Variants in REEP3 observed in about 807,000 individuals in gnomAD.
The protein encoded by REEP3 is receptor expression-enhancing protein 3.
Under a neutral mutation model 41.3 loss-of-function variants are expected in REEP3, and 20 were observed. The ratio of observed to expected loss-of-function variants is 0.48; its 90% CI spans 0.34 to 0.70. The LOEUF is 0.70. REEP3 is among the 30% of genes least tolerant of loss of function. The pLI, the probability that REEP3 is intolerant of heterozygous loss-of-function variation, is 0.01. For missense variants in REEP3, 271 were observed against 308.8 expected (o/e 0.88, Z 0.92); for synonymous variants, 104 against 101.8 (o/e 1.02, Z -0.13).
intron 5 of REEP3, among the ~76,000 whole-genome samples, chr10:63,607,306 G>C (rs546860304): frequency 3.9e-5 from 6 of 152,154 alleles, no homozygotes; most frequent in Non-Finnish European, 4.4e-5. Flanking sequence ...TTTCCCTACA[G>C]TGCCTGGCTT....
Position 63,622,824 on chromosome 10 carries a change from G to A in REEP3, c.*1955G>A, listed in dbSNP as rs563897974. On this transcript the variant is annotated 3_prime_UTR_variant, in exon 8 of 8. Transcript: ENST00000373758. ...CGGGTTCGAGCGATTCTCCTGCCTC[G>A]GCCTCCCGAGTAACTGGGTCTACAG... 1.4e-3 allele frequency: 213 copies of A among 149,530 alleles called. 3 individuals are homozygous for A. The highest frequency in any genetic ancestry group is 4.3e-4 in the Non-Finnish European group (29 of 67,874). The allele number at this position is 149,530 out of a possible 1,614,324, so 9.3% of individuals were successfully genotyped here. A position where few individuals can be genotyped will look rare whatever the true frequency, so the allele number is the denominator to read the frequency against.
At chr10:63,588,955 C>T (rs1956032541) in intron 2 of REEP3, among the ~76,000 whole-genome samples, 1 of 152,078 alleles carries the variant, frequency 6.6e-6, no homozygotes, top group Non-Finnish European at 1.5e-5. Context: ...CAGCACATAC[C>T]AGGGCCAGTA....
chr10:63,594,702 C>A, intron 2 of REEP3, 76 bp from the exon 3 acceptor site: 2 of 833,900 alleles, frequency 2.4e-6, no homozygotes, highest in Non-Finnish European at 4.1e-6. Context: ...TCCAGAAATA[C>A]ATACATACAT....
intron 2 of REEP3, among the ~76,000 whole-genome samples, chr10:63,579,443 A>C (rs1300996938): frequency 1.3e-5 from 2 of 152,224 alleles, no homozygotes; most frequent in African/African-American, 4.8e-5. Context: ...AGGGGGATTT[A>C]AATTAAATGC....
Position 63,620,870 on chromosome 10 carries a change from T to C in REEP3, c.*1T>C. 1.3e-6 allele frequency: 2 copies of C among 1,598,682 alleles called. No individual in the cohort carries two copies. The highest frequency in any genetic ancestry group is 1.7e-6 in the Non-Finnish European group (2 of 1,167,864). On this transcript the variant is annotated 3_prime_UTR_variant, in exon 8 of 8. Transcript: ENST00000373758. ...GAAACGACCACAAGTGTATTTTTAG[T>C]CATCTACACGTCAAATATCCCAAGA...
chr10:63,574,948 C>T (rs1955885643), intron 2 of REEP3, among the ~76,000 whole-genome samples: 1 of 149,848 alleles, frequency 6.7e-6, no homozygotes, highest in African/African-American at 2.5e-5. Flanking sequence ...CCTCTGCCTC[C>T]CGGATTCAAG....
At position 63,620,885 on chromosome 10, in the gene REEP3, A is replaced by G. The variant is rs1956348830; in HGVS notation, c.*16A>G. 1 of 1,561,124 alleles carries G rather than the reference A, an allele frequency of 6.4e-7. No individual in the cohort carries two copies. Among genetic ancestry groups the G allele is most frequent in the Middle Eastern group, 1.7e-4 (1 of 5,978 alleles). Reference sequence around the variant, plus strand: ...GTATTTTTAGTCATCTACACGTCAAATATCCCAAGACAGATTATGCTAAAT... The same window carrying G: ...GTATTTTTAGTCATCTACACGTCAAGTATCCCAAGACAGATTATGCTAAAT... On this transcript the variant is annotated 3_prime_UTR_variant, in exon 8 of 8. Coordinates refer to ENST00000373758, the MANE Select transcript of REEP3 (RefSeq NM_001001330.3).
intron 1 of REEP3, among the ~76,000 whole-genome samples, chr10:63,534,300 G>A (rs1955454694): frequency 6.6e-6 from 1 of 151,436 alleles, no homozygotes. Flanking sequence ...GCTCAGGCTA[G>A]AGTGCAGTGG....
chr10:63,564,514 T>C (rs915082924), intron 1 of REEP3, among the ~76,000 whole-genome samples: 8 of 151,844 alleles, frequency 5.3e-5, no homozygotes, highest in Admixed American at 3.9e-4. Flanking sequence ...TCCCAGGTAC[T>C]CAGGAGGCTG....
intron 1 of REEP3, among the ~76,000 whole-genome samples, chr10:63,557,684 A>G (rs1955702126): frequency 6.6e-6 from 1 of 152,204 alleles, no homozygotes; most frequent in South Asian, 2.1e-4. Context: ...TTAACTGTTT[A>G]TGCTCTGTTA....
intron 2 of REEP3, among the ~76,000 whole-genome samples, chr10:63,578,643 G>A (rs1463946558): frequency 6.6e-6 from 1 of 152,032 alleles, no homozygotes; most frequent in African/African-American, 2.4e-5. Flanking sequence ...CAGGTGTGAT[G>A]GTACACGCCT....
chr10:63,609,451 C>CAAA (rs376009971), intron 5 of REEP3, among the ~76,000 whole-genome samples: 1 of 81,178 alleles, frequency 1.2e-5, no homozygotes, highest in Non-Finnish European at 2.6e-5. Context: ...GACTCTGTCT[C>CAAA]AAAAAAAAAA....
chr10:63,616,814 A>C (rs1184472791), intron 6 of REEP3, among the ~76,000 whole-genome samples: 1 of 152,226 alleles, frequency 6.6e-6, no homozygotes, highest in Non-Finnish European at 1.5e-5. Flanking sequence ...AAAAATCTAG[A>C]AATGACAACC....
At position 63,620,872 on chromosome 10, in the gene REEP3, A is replaced by C; in HGVS notation, c.*3A>C. 1.3e-6 allele frequency: 2 copies of C among 1,596,660 alleles called. No homozygotes were observed. Among genetic ancestry groups the C allele is most frequent in the Non-Finnish European group, 1.7e-6 (2 of 1,165,836 alleles). On this transcript the variant is annotated 3_prime_UTR_variant, in exon 8 of 8. Transcript: ENST00000373758. ...AACGACCACAAGTGTATTTTTAGTCATCTACACGTCAAATATCCCAAGACA... is the reference window on the plus strand; with the variant it reads ...AACGACCACAAGTGTATTTTTAGTCCTCTACACGTCAAATATCCCAAGACA...
intron 5 of REEP3, among the ~76,000 whole-genome samples, chr10:63,607,930 G>A (rs1956243559): frequency 6.6e-6 from 1 of 152,196 alleles, no homozygotes; most frequent in African/African-American, 2.4e-5. Context: ...ATCCTGAAAT[G>A]TACCTTCTTG....
At chr10:63,526,869 G>A (rs2133335862) in intron 1 of REEP3, among the ~76,000 whole-genome samples, 1 of 152,094 alleles carries the variant, frequency 6.6e-6, no homozygotes, top group East Asian at 1.9e-4. Context: ...GTTGCATAGA[G>A]AGTTTATAGT....
At chr10:63,542,596 C>T (rs1339691772) in intron 1 of REEP3, among the ~76,000 whole-genome samples, 2 of 151,992 alleles carry the variant, frequency 1.3e-5, no homozygotes, top group African/African-American at 2.4e-5. Flanking sequence ...ACTATATTAC[C>T]ACTCCTTGTT....
chr10:63,602,079 A>G (rs531251344), intron 5 of REEP3, among the ~76,000 whole-genome samples: 54 of 152,278 alleles, frequency 3.5e-4, no homozygotes, highest in Middle Eastern at 6.8e-3. Context: ...CATTGGCGGC[A>G]ATGTAAAGAG....
At chr10:63,556,634 GTT>G (rs370073734) in intron 1 of REEP3, among the ~76,000 whole-genome samples, 46,741 of 78,282 alleles carry the variant, frequency 0.6, 11,217 homozygotes, top group South Asian at 0.66. Flanking sequence ...TTGTTGTTTT[GTT>G]TTTTTTTTTT....
Sources: gnomAD v4.1 joint callset for allele counts (sites outside exome capture counted in the v4.1 genomes callset) on GRCh38, gnomAD v4.1.1 for gene constraint, MANE v1.5 for transcripts, NCBI Gene and HGNC (gene_info 2026-07-23, HGNC 2026-07-21) for gene names.